Variants in SSH2 observed in about 807,000 individuals in gnomAD.
SSH2 encodes protein phosphatase Slingshot homolog 2.
SSH2 carries 37 observed loss-of-function variants against 135.2 expected under a neutral mutation model. The observed-to-expected ratio is 0.27, with a 90% CI of 0.21 to 0.36. SSH2 has a LOEUF of 0.36. Among genes scored for constraint, SSH2 ranks in the 10% least tolerant of loss-of-function variants. SSH2 has a pLI of 1.00. For missense variants in SSH2, 1,408 were observed against 1,765.3 expected, an observed-to-expected ratio of 0.80 and a Z score of 3.63; for synonymous variants, 628 against 646.2, an observed-to-expected ratio of 0.97 and a Z score of 0.43.
At chr17:29,665,850 C>A (rs902925470) in intron 11 of SSH2, among the ~76,000 whole-genome samples, 1 of 152,142 alleles carries the variant, frequency 6.6e-6, no homozygotes, top group African/African-American at 2.4e-5. Context: ...GTTCAGGAAC[C>A]ATGAAGAACA....
intron 6 of SSH2, among the ~76,000 whole-genome samples, chr17:29,679,741 G>A (rs1452135615): frequency 2.0e-5 from 3 of 152,166 alleles, no homozygotes; most frequent in Non-Finnish European, 2.9e-5. Flanking sequence ...TAACTGTCTT[G>A]TGCCTTAATT....
At position 29,692,167 on chromosome 17, in the gene SSH2, A is replaced by T. The variant is rs9914856; in HGVS notation, c.357+3292T>A. Among the ~76,000 whole-genome samples the T allele has an allele frequency of 2.8e-4, 8 of 28,200 alleles. No homozygotes were observed. In the South Asian group the frequency reaches 3.5e-3, roughly 12 times the overall value. 18.5% of individuals were successfully genotyped at this position (28,200 alleles called of 152,430 possible). On this transcript the variant is annotated intron_variant, in intron 5 of 15. Transcript: ENST00000540801. ...AAAAATAAATAAATAAATAAAAAATAAAAAAAAAAAAACAAGACTTTCAGT... is the reference window on the plus strand; with the variant it reads ...AAAAATAAATAAATAAATAAAAAATTAAAAAAAAAAAACAAGACTTTCAGT...
At chr17:29,761,415 G>C (rs972541181) in intron 3 of SSH2, 1 of 1,051,312 alleles carries the variant, frequency 9.5e-7, no homozygotes, top group African/African-American at 1.7e-5. Flanking sequence ...CCCAGGGCTC[G>C]GCGGTAGAGT....
intron 1 of SSH2, chr17:29,928,251 A>G: frequency 3.4e-6 from 1 of 294,490 alleles, no homozygotes; most frequent in East Asian, 5.5e-5. Flanking sequence ...ATGACTTTCC[A>G]AAAACTAGCA....
chr17:29,727,269 A>G (rs1197097601), intron 3 of SSH2, among the ~76,000 whole-genome samples: 10 of 152,250 alleles, frequency 6.6e-5, no homozygotes. Context: ...GAAAAGATGA[A>G]TGGGAAATCT....
At chr17:29,634,587 T>A (rs2035817694) in intron 15 of SSH2, among the ~76,000 whole-genome samples, 1 of 152,192 alleles carries the variant, frequency 6.6e-6, no homozygotes, top group Admixed American at 6.5e-5. Flanking sequence ...GGAGTCTCGC[T>A]CTGTTGCCAG....
chr17:29,632,172 C>T lies in SSH2; in HGVS notation c.3022G>A (p.Glu1008Lys), dbSNP rs2035709108. The change falls in exon 16 of 16, where the codon GAA (glutamate) becomes AAA (lysine). Residue 1008 changes from glutamate (E) to lysine (K), a missense_variant. Transcript: ENST00000540801. ...GPGSDTGTQQ[E>K]GVLKDLRTVI... ...GTCCTCAGATCCTTCAGGACTCCTT[C>T]CTGCTGTGTTCCAGTATCTGACCCT... is the stretch of plus-strand genomic sequence containing the variant. The T allele has an allele frequency of 4.3e-6, 7 of 1,614,040 alleles. 1 individual carries two copies. Among genetic ancestry groups the T allele is most frequent in the Non-Finnish European group, 5.9e-6 (7 of 1,179,976 alleles).
intron 1 of SSH2, among the ~76,000 whole-genome samples, chr17:29,889,658 A>G (rs1459959645): frequency 2.0e-5 from 3 of 152,024 alleles, no homozygotes; most frequent in Admixed American, 6.6e-5. Context: ...ATGGGATAAA[A>G]TATTTGCAAA....
intron 1 of SSH2, among the ~76,000 whole-genome samples, chr17:29,903,316 A>C (rs2066595406): frequency 6.7e-6 from 1 of 149,016 alleles, no homozygotes; most frequent in African/African-American, 2.4e-5. Flanking sequence ...AATAATGAAT[A>C]CTTTTTAACC....
At chr17:29,675,269 C>T (rs2037657775) in intron 8 of SSH2, among the ~76,000 whole-genome samples, 1 of 152,144 alleles carries the variant, frequency 6.6e-6, no homozygotes, top group Non-Finnish European at 1.5e-5. Context: ...CCACCTCCAT[C>T]CTATCAATTC....
At chr17:29,732,364 T>C (rs1474342736) in intron 3 of SSH2, among the ~76,000 whole-genome samples, 1 of 152,222 alleles carries the variant, frequency 6.6e-6, no homozygotes, top group Non-Finnish European at 1.5e-5. Context: ...TTGGAATAAA[T>C]GTTGAATTCT....
intron 3 of SSH2, among the ~76,000 whole-genome samples, chr17:29,786,399 C>A (rs552179095): frequency 2.0e-4 from 31 of 152,302 alleles, no homozygotes; most frequent in African/African-American, 6.7e-4. Context: ...CAGGAAGGAA[C>A]CAGCAGGAAT....
intron 1 of SSH2, among the ~76,000 whole-genome samples, chr17:29,850,981 T>C (rs1189966973): frequency 6.6e-6 from 1 of 152,004 alleles, no homozygotes; most frequent in East Asian, 1.9e-4. Flanking sequence ...CGAGACTCCA[T>C]CTCAAAAAAG....
At chr17:29,683,413 CTG>C (rs2151074760) in intron 6 of SSH2, among the ~76,000 whole-genome samples, 1 of 152,272 alleles carries the variant, frequency 6.6e-6, no homozygotes, top group Non-Finnish European at 1.5e-5. Context: ...ATAAAAAGTT[CTG>C]CTTTGAGTTT....
chr17:29,862,397 T>C (rs975168014), intron 1 of SSH2, among the ~76,000 whole-genome samples: 2 of 152,220 alleles, frequency 1.3e-5, no homozygotes, highest in African/African-American at 4.8e-5. Flanking sequence ...TTAGTATTAG[T>C]TGTTGCAATT....
At chr17:29,670,693 G>A (rs1484048709) in intron 9 of SSH2, among the ~76,000 whole-genome samples, 2 of 152,192 alleles carry the variant, frequency 1.3e-5, no homozygotes, top group African/African-American at 2.4e-5. Context: ...AGAATTGCTT[G>A]AACCCGGGAG....
rs1555633079 is a variant in SSH2 at position 29,783,318 on chromosome 17, T to TATATATA, written c.188+10575_188+10576insTATATAT. Among the ~76,000 whole-genome samples, 2 of 142,126 alleles carry TATATATA rather than the reference T, an allele frequency of 1.4e-5. 1 individual carries two copies. Among genetic ancestry groups the TATATATA allele is most frequent in the South Asian group, 4.3e-4 (2 of 4,602 alleles). The allele number at this position is 142,126 out of a possible 152,430, so 93.2% of individuals were successfully genotyped here. A position where few individuals can be genotyped will look rare whatever the true frequency, so the allele number is the denominator to read the frequency against. On this transcript the variant is annotated intron_variant, in intron 3 of 15. Coordinates refer to ENST00000540801, the MANE Select transcript of SSH2 (RefSeq NM_001282129.2). ...TATTTATATAGTTATATAACATATA[T>TATATATA]TATATATATATATATATATGTAAAG...
rs1218369069 is a variant in SSH2, at chr17:29,685,788, C to CA, written c.358-1105dup. ...TGGGTGACAGAGTGAGACTCTGGTT[C>CA]AAAAAAAAAAAAAGCTCAGTAATGA... On this transcript the variant is annotated intron_variant, in intron 5 of 15. Transcript: ENST00000540801. 7.2e-3 allele frequency among the ~76,000 whole-genome samples: 790 copies of CA among 109,812 alleles called. 4 individuals carry two copies. Among genetic ancestry groups the CA allele is most frequent in the Middle Eastern group, 0.011 (2 of 188 alleles). 72.0% of individuals were successfully genotyped at this position (109,812 alleles called of 152,430 possible).
chr17:29,795,128 C>T (rs1173181619), intron 2 of SSH2, among the ~76,000 whole-genome samples: 2 of 152,226 alleles, frequency 1.3e-5, no homozygotes, highest in East Asian at 3.8e-4. Context: ...ATTCTGCCTC[C>T]TTTCCTGGGC....
Sources: gnomAD v4.1 joint callset for allele counts (sites outside exome capture counted in the v4.1 genomes callset) on GRCh38, gnomAD v4.1.1 for gene constraint, MANE v1.5 for transcripts, NCBI Gene and HGNC (gene_info 2026-07-23, HGNC 2026-07-21) for gene names.